The following FTCD variants were observed in gnomAD, a reference collection of about 807,000 sequenced individuals.
FTCD encodes the protein formimidoyltransferase-cyclodeaminase.
FTCD carries 76 observed loss-of-function variants against 62.9 expected under a neutral mutation model. That is an observed-to-expected ratio of 1.21 (90% confidence interval 1.00 to 1.46). The LOEUF (loss-of-function observed/expected upper bound fraction) is 1.46, where lower values mean the gene tolerates loss of function less well. Ranked by LOEUF, FTCD falls within the 40% of genes most tolerant of loss-of-function variation. The probability of loss-of-function intolerance (pLI) is 0.00; values close to 1 mark genes in which losing one functional copy is unlikely to be tolerated. For missense variants in FTCD, 845 were observed against 751.3 expected (o/e 1.12, Z -1.46); for synonymous variants, 397 against 336.9 (o/e 1.18, Z -1.95).
At chr21:46,137,207 G>A in intron 13 of FTCD, 32 bp downstream of exon 13, 2 of 1,579,712 alleles carry the variant, frequency 1.3e-6, no homozygotes, top group Non-Finnish European at 1.7e-6. Flanking sequence ...CCCCCACGTG[G>A]GGTCCGGGCA....
chr21:46,150,071 C>T, intron 7 of FTCD, 48 bp downstream of exon 7: 1 of 1,546,190 alleles, frequency 6.5e-7, no homozygotes, highest in Non-Finnish European at 8.9e-7. Context: ...CGCCTCCCCA[C>T]CCTCCCTGCA....
chr21:46,146,661 C>T (rs1401824210), intron 7 of FTCD: 9 of 456,696 alleles, frequency 2.0e-5, no homozygotes, highest in Admixed American at 3.6e-5. Flanking sequence ...CCCAGCACCA[C>T]TGCCCCATCG....
downstream of FTCD, chr21:46,136,446 A>C (rs1252227345): frequency 6.2e-7 from 1 of 1,612,570 alleles, no homozygotes; most frequent in South Asian, 1.1e-5. Flanking sequence ...TGCACCTGGG[A>C]AGCGAGGCTA....
At position 46,150,412 on chromosome 21, in the gene FTCD, G is replaced by T. The variant is rs112148465; in HGVS notation, c.750C>A (p.Tyr250Ter). 6.2e-7 allele frequency: 1 copy of T among 1,612,920 alleles called. No individual in the cohort carries two copies. The highest frequency in any genetic ancestry group is 2.2e-5 in the East Asian group (1 of 44,870). The change falls in exon 6 of 14, where the codon TAC becomes TAA. Residue 250 changes from tyrosine (Y) to a stop codon, truncating the protein, a stop_gained. Transcript: ENST00000397746. LOFTEE classifies it high-confidence loss of function. ...DFEVTALHTVYEETCREAQEL... is the reference protein window; with the variant it reads ...DFEVTALHTV The stretch of plus-strand genomic sequence containing the variant: ...CCTGTGCTTCTCGGCAGGTCTCCTC[G>T]TAGACCGTGTGCAGTGCCGTGACCT...
At chr21:46,147,950 A>G (rs928257952) in intron 7 of FTCD, among the ~76,000 whole-genome samples, 1 of 151,818 alleles carries the variant, frequency 6.6e-6, no homozygotes, top group African/African-American at 2.4e-5. Flanking sequence ...CTCAAAAAAA[A>G]AAAAAAAAAA....
In FTCD at chr21:46,152,983, C is replaced by T. The variant is rs978869720; in HGVS notation, c.291G>A (p.Arg97=). The T allele has an allele frequency of 7.7e-6, 12 of 1,553,480 alleles. No individual in the cohort carries two copies. Among genetic ancestry groups the T allele is most frequent in the African/African-American group, 2.7e-5 (2 of 73,442 alleles). ...ALDVCPFIPV[R]GVSVDECVLC... ...GCACACACTCATCCACGCTGACGCC[C>T]CTCACGGGGATGAAGGGGCAGACGT... is the stretch of plus-strand genomic sequence containing the variant. The change falls in exon 3 of 14, where the codon AGG becomes AGA. Residue 97 remains arginine (R), a synonymous_variant. Coordinates refer to ENST00000397746, the MANE Select transcript of FTCD (RefSeq NM_206965.2).
intron 10 of FTCD, among the ~76,000 whole-genome samples, chr21:46,145,019 A>T (rs1183451665): frequency 6.6e-6 from 1 of 151,884 alleles, no homozygotes; most frequent in Non-Finnish European, 1.5e-5. Context: ...GCCTGAGAGC[A>T]CTCATCACTG....
Position 46,151,938 on chromosome 21 carries a change from GT to G in FTCD, c.409del (p.Thr137ProfsTer80). 1 of 1,573,356 alleles carries G rather than the reference GT, an allele frequency of 6.4e-7. No individual in the cohort carries two copies. Among genetic ancestry groups the G allele is most frequent in the Non-Finnish European group, 8.6e-7 (1 of 1,160,012 alleles). On this transcript the variant is annotated frameshift_variant, in exon 4 of 14. Transcript: ENST00000397746. LOFTEE classifies it high-confidence loss of function. ...GEAARMDSRRTLPAIRAGEYE... is the reference protein window; with the variant it reads ...GEAARMDSRRXLPAIRAGEYE... Reference sequence around the variant, plus strand: ...CTCCCCGGCCCGGATGGCCGGCAGGGTCCGGCGACTGTCCATCCTGGCTGCC... The same window carrying G: ...CTCCCCGGCCCGGATGGCCGGCAGGGCCGGCGACTGTCCATCCTGGCTGCC...
At chr21:46,136,580 G>C (rs966726337), downstream of FTCD, 4 of 1,556,432 alleles carry the variant, frequency 2.6e-6, no homozygotes, top group Non-Finnish European at 8.7e-7. Context: ...CAGGTCCTCT[G>C]AATACCTGTG....
At chr21:46,151,840 A>C (rs2079286646) in intron 4 of FTCD, 52 bp downstream of exon 4, 1 of 1,561,640 alleles carries the variant, frequency 6.4e-7, no homozygotes, top group African/African-American at 1.4e-5. Flanking sequence ...CAGCCAGGAC[A>C]AAGGGGCAGG....
In FTCD at chr21:46,138,565, C is replaced by T; in HGVS notation, c.1386G>A (p.Trp462Ter). 1.3e-6 allele frequency: 2 copies of T among 1,587,218 alleles called. No homozygotes were observed. The highest frequency in any genetic ancestry group is 1.7e-6 in the Non-Finnish European group (2 of 1,173,998). ...LTLAETVASL[W>*]PALQELARCG... ...ACCGGGCCAGTTCCTGCAGGGCCGG[C>T]CACAGCGAGGCCACCGTCTCCGCCA... Residue 462 changes from tryptophan to a stop codon, truncating the protein, a stop_gained, in exon 12 of 14, where the codon TGG becomes TGA. Transcript: ENST00000397746. LOFTEE classifies it high-confidence loss of function.
chr21:46,150,587 TCTCTCCTGGCACTTGCATTC>T lies in FTCD; in HGVS notation c.637-82_637-63del, dbSNP rs897474385. ...AGCTCATCCTGCCTGGCCCTGCCAG[TCTCTCCTGGCACTTGCATTC>T]CCCAGCTGGACGGGGAGGAGCCTGT... is the stretch of plus-strand genomic sequence containing the variant. On this transcript the variant is annotated intron_variant, in intron 5 of 13. Transcript: ENST00000397746. 136 of 1,547,546 alleles carry T rather than the reference TCTCTCCTGGCACTTGCATTC, an allele frequency of 8.8e-5. 1 individual carries two copies. The African/African-American group carries it at 1.6e-3, about 18-fold the overall frequency.
At chr21:46,137,201 C>CA (rs1568957260) in intron 13 of FTCD, 38 bp downstream of exon 13, 2 of 1,580,750 alleles carry the variant, frequency 1.3e-6, no homozygotes, top group East Asian at 4.5e-5. Flanking sequence ...TCCAGGCCCC[C>CA]ACGTGGGGTC....
Position 46,151,623 on chromosome 21 carries a change from C to G in FTCD, c.571G>C (p.Gly191Arg). The change falls in exon 5 of 14, where the codon GGC (glycine) becomes CGC (arginine). Residue 191 changes from glycine (G) to arginine (R), a missense_variant. By Grantham distance (125) the Gly-to-Arg change is moderately radical (BLOSUM62 -2). Coordinates refer to ENST00000397746, the MANE Select transcript of FTCD (RefSeq NM_206965.2). Reference sequence around the variant, plus strand: ...ATGCGGTGGGCTTGCTCCTTTGTGCCGAGCAGGTTGATGTTAAAAGCAATG... The same window carrying G: ...ATGCGGTGGGCTTGCTCCTTTGTGCGGAGCAGGTTGATGTTAAAAGCAATG... The part of the protein sequence containing the change: ...FLIAFNINLL[G>R]TKEQAHRIAL... 1.9e-6 allele frequency: 3 copies of G among 1,613,076 alleles called. No individual in the cohort carries two copies. Among genetic ancestry groups the G allele is most frequent in the Non-Finnish European group, 2.5e-6 (3 of 1,179,964 alleles).
intron 1 of FTCD, 105 bp from the exon 2 acceptor site, chr21:46,154,437 C>T (rs539202681): frequency 2.4e-5 from 33 of 1,358,698 alleles, no homozygotes; most frequent in Admixed American, 2.4e-4. Flanking sequence ...GCTGAGGAGG[C>T]GGGCCAAGCC....
At chr21:46,142,721 C>G (rs114910148) in intron 10 of FTCD, 1 of 152,246 alleles carries the variant, frequency 6.6e-6, no homozygotes, top group Non-Finnish European at 1.5e-5. Flanking sequence ...TTGCTGGTTT[C>G]GGTGGCCAGC....
chr21:46,141,084 TAATTA>T (rs1459277777), intron 10 of FTCD, among the ~76,000 whole-genome samples: 2 of 152,248 alleles, frequency 1.3e-5, no homozygotes, highest in Admixed American at 6.5e-5. Flanking sequence ...ACTTGTTTTT[TAATTA>T]TTCACCTTAT....
intron 9 of FTCD, 108 bp from the exon 10 acceptor site, chr21:46,145,686 G>A: frequency 2.1e-6 from 1 of 467,736 alleles, no homozygotes; most frequent in Non-Finnish European, 2.7e-6. Flanking sequence ...CACCCGTGTG[G>A]CCCCCACGTC....
At chr21:46,150,072 C>T in intron 7 of FTCD, 47 bp downstream of exon 7, 1 of 1,568,320 alleles carries the variant, frequency 6.4e-7, no homozygotes, top group Non-Finnish European at 8.7e-7. Flanking sequence ...GCCTCCCCAC[C>T]CTCCCTGCAC....
Sources: allele counts gnomAD v4.1 joint callset (sites outside exome capture counted in the v4.1 genomes callset), GRCh38; gene constraint gnomAD v4.1.1; transcripts MANE v1.5; gene names NCBI Gene and HGNC (gene_info 2026-07-23, HGNC 2026-07-21).